The following HGF variants were observed in gnomAD, a reference collection of about 807,000 sequenced individuals.
The protein encoded by HGF is fibroblast-derived tumor cytotoxic factor.
Under a neutral mutation model 111.6 loss-of-function variants are expected in HGF, and 39 were observed. The ratio of observed to expected loss-of-function variants is 0.35; its 90% CI spans 0.27 to 0.46. The LOEUF (loss-of-function observed/expected upper bound fraction) is 0.46. Among genes scored for constraint, HGF ranks in the 20% least tolerant of loss-of-function variants. The pLI is 1.00. For synonymous variants in HGF, 285 were observed against 294.8 expected (o/e 0.97, Z 0.34); for missense variants, 735 against 910.5 (o/e 0.81, Z 2.48).
At position 81,743,446 on chromosome 7, in the gene HGF, T is replaced by G. The variant is rs1226991703; in HGVS notation, c.772A>C (p.Asn258His). The G allele has an allele frequency of 6.2e-7, 1 of 1,612,868 alleles. No individual in the cohort carries two copies. Among genetic ancestry groups the G allele is most frequent in the Non-Finnish European group, 8.5e-7 (1 of 1,178,910 alleles). Reference protein sequence around the residue: ...ERYPDKGFDDNYCRNPDGQPR... With the variant: ...ERYPDKGFDDHYCRNPDGQPR... ...TGGCCATCGGGATTGCGGCAATAATTATCATCAAAGCCCTTGTCGGGATAT... is the reference window on the plus strand; with the variant it reads ...TGGCCATCGGGATTGCGGCAATAATGATCATCAAAGCCCTTGTCGGGATAT... Residue 258 changes from asparagine to histidine, a missense_variant, in exon 7 of 18, where the codon AAT (asparagine) becomes CAT (histidine). Around this residue, in one of 3 missense-constraint regions of HGF, gnomAD observed 553 missense variants for 685.6 expected, o/e 0.81. Transcript: ENST00000222390.
In HGF at chr7:81,701,020, AGG is replaced by A. The variant is rs1193706119; in HGVS notation, c.*1559_*1560del. The A allele has an allele frequency of 6.6e-6, 1 of 151,680 alleles. No homozygotes were observed. The highest frequency in any genetic ancestry group is 1.5e-5 in the Non-Finnish European group (1 of 67,714). 9.4% of individuals were successfully genotyped at this position (151,680 alleles called of 1,614,324 possible). A position where few individuals can be genotyped will look rare whatever the true frequency, so the allele number is the denominator to read the frequency against. On this transcript the variant is annotated 3_prime_UTR_variant, in exon 18 of 18. Transcript: ENST00000222390. ...ACACCATTCAAAAAATTATTTTTAA[AGG>A]TGTTTTGTACAGGAAGATTTCTGCA...
At chr7:81,706,207 CG>C in intron 15 of HGF, 79 bp downstream of exon 15, 2 of 1,265,106 alleles carry the variant, frequency 1.6e-6, no homozygotes, top group Non-Finnish European at 2.3e-6. Context: ...TGAGAGAGAA[CG>C]AACTGCCACA....
At chr7:81,749,061 A>G (rs1302219383) in intron 5 of HGF, among the ~76,000 whole-genome samples, 1 of 152,184 alleles carries the variant, frequency 6.6e-6, no homozygotes, top group African/African-American at 2.4e-5. Context: ...TGTTTAAAAT[A>G]TAAATAGTCT....
chr7:81,709,921 A>G (rs184627038), intron 13 of HGF, among the ~76,000 whole-genome samples: 268 of 152,252 alleles, frequency 1.8e-3, no homozygotes, highest in Non-Finnish European at 2.8e-3. Flanking sequence ...GCCAACACAT[A>G]TGGGACCTTT....
chr7:81,755,722 C>T, intron 4 of HGF: 1 of 395,070 alleles, frequency 2.5e-6, no homozygotes, highest in South Asian at 3.4e-5. Flanking sequence ...ACCATGCAAA[C>T]TCTCAAAAGA....
intron 7 of HGF, among the ~76,000 whole-genome samples, chr7:81,736,050 C>T (rs370261278): frequency 2.1e-4 from 32 of 152,116 alleles, no homozygotes; most frequent in African/African-American, 7.7e-4. Flanking sequence ...GTGGGAGACA[C>T]AATTCACTCC....
At chr7:81,756,099 C>T (rs570492397) in intron 4 of HGF, 20 of 699,230 alleles carry the variant, frequency 2.9e-5, no homozygotes, top group South Asian at 1.5e-4. Context: ...TTCTACTGAC[C>T]GGCCAAATGT....
intron 10 of HGF, among the ~76,000 whole-genome samples, chr7:81,718,078 TTGAC>T (rs767278769): frequency 2.3e-4 from 35 of 152,176 alleles, no homozygotes; most frequent in Non-Finnish European, 1.9e-4. Context: ...CATGGCCACT[TTGAC>T]TGATCATAAA....
intron 12 of HGF, among the ~76,000 whole-genome samples, chr7:81,710,629 G>C (rs1187562351): frequency 1.3e-5 from 2 of 151,894 alleles, no homozygotes; most frequent in Admixed American, 1.3e-4. Flanking sequence ...AATAGATTCA[G>C]TGAAAAAAAC....
Position 81,751,709 on chromosome 7 carries a change from G to A in HGF, c.625+411C>T, listed in dbSNP as rs900833274. 7.7e-6 allele frequency: 8 copies of A among 1,040,696 alleles called. No homozygotes were observed. The African/African-American group carries it at 1.4e-4, about 18-fold the overall frequency. The allele number at this position is 1,040,696 out of a possible 1,614,324, so 64.5% of individuals were successfully genotyped here. On this transcript the variant is annotated intron_variant, in intron 5 of 17. Coordinates refer to ENST00000222390, the MANE Select transcript of HGF (RefSeq NM_000601.6). ...ACCCTTGTCACACCACTTCATGATA[G>A]TTTGGACAGAATTTCTGTGGAAGCA...
At chr7:81,726,959 G>A (rs1307433868) in intron 8 of HGF, among the ~76,000 whole-genome samples, 2 of 151,352 alleles carry the variant, frequency 1.3e-5, no homozygotes, top group Non-Finnish European at 2.9e-5. Flanking sequence ...GGAAACCACA[G>A]TATTTGTATC....
intron 5 of HGF, 122 bp from the exon 6 acceptor site, chr7:81,745,242 T>C: frequency 1.0e-6 from 1 of 991,268 alleles, no homozygotes; most frequent in Non-Finnish European, 1.6e-6. Context: ...TACACATCAT[T>C]CTAACTTTTT....
Position 81,752,149 on chromosome 7 carries a change from T to C in HGF, c.596A>G (p.Glu199Gly). 6.2e-7 allele frequency: 1 copy of C among 1,613,636 alleles called. No individual in the cohort carries two copies. Among genetic ancestry groups the C allele is most frequent in the South Asian group, 1.1e-5 (1 of 91,076 alleles). Residue 199 changes from glutamate (E) to glycine (G), a missense_variant, in exon 5 of 18, where the codon GAA becomes GGA. Transcript: ENST00000222390. Reference sequence around the variant, plus strand: ...TGAACACTGAGGAATGTCACAGACTTCGTAGCGTACCTCTGGATTGCTTGT... The same window carrying C: ...TGAACACTGAGGAATGTCACAGACTCCGTAGCGTACCTCTGGATTGCTTGT... ...CFTSNPEVRYEVCDIPQCSEV... is the reference protein window; with the variant it reads ...CFTSNPEVRYGVCDIPQCSEV...
rs5745766 is a variant in HGF at position 81,702,835 on chromosome 7, G to A, written c.2011-78C>T. ...CATTAACATAATCATATATAGATTT[G>A]CATCTCAGAGATATATACAGAAAAA... On this transcript the variant is annotated intron_variant, in intron 17 of 17. Coordinates refer to ENST00000222390, the MANE Select transcript of HGF (RefSeq NM_000601.6). 3 of 1,173,922 alleles carry A rather than the reference G, an allele frequency of 2.6e-6. No individual in the cohort carries two copies. In the Admixed American group the frequency reaches 5.3e-5, roughly 21 times the overall value. 72.7% of individuals were successfully genotyped at this position (1,173,922 alleles called of 1,614,324 possible).
chr7:81,739,336 C>T (rs1787930998), intron 7 of HGF, among the ~76,000 whole-genome samples: 1 of 151,932 alleles, frequency 6.6e-6, no homozygotes. Context: ...TATTCTTCAC[C>T]TCATCATACT....
intron 2 of HGF, among the ~76,000 whole-genome samples, chr7:81,761,249 A>G (rs1789061472): frequency 6.6e-6 from 1 of 152,194 alleles, no homozygotes; most frequent in East Asian, 1.9e-4. Flanking sequence ...ATAAAACAGA[A>G]TTATCATAGG....
intron 15 of HGF, 111 bp downstream of exon 15, chr7:81,706,174 CAT>C (rs1789420657): frequency 2.2e-6 from 2 of 897,046 alleles, no homozygotes; most frequent in South Asian, 1.4e-5. Context: ...CAGCATGTAA[CAT>C]ATGTTTATAA....
At chr7:81,743,321 A>C (rs1201800348) in intron 7 of HGF, 32 bp downstream of exon 7, 2 of 1,244,640 alleles carry the variant, frequency 1.6e-6, no homozygotes, top group Non-Finnish European at 2.4e-6. Context: ...CTGTGAGAGG[A>C]AAAGGAAGCA....
In HGF at chr7:81,700,563, G is replaced by C. The variant is rs1383366320; in HGVS notation, c.*2018C>G. 6.6e-6 allele frequency: 1 copy of C among 151,460 alleles called. No individual in the cohort carries two copies. 9.4% of individuals were successfully genotyped at this position (151,460 alleles called of 1,614,324 possible). The stretch of plus-strand genomic sequence containing the variant: ...TAAAATTATGACAATTTTTATAAAA[G>C]TTTTACAAATATCATTAATATGCAA... On this transcript the variant is annotated 3_prime_UTR_variant, in exon 18 of 18. Transcript: ENST00000222390.
Sources: allele counts gnomAD v4.1 joint callset (sites outside exome capture counted in the v4.1 genomes callset), GRCh38; gene constraint gnomAD v4.1.1; regional missense constraint gnomAD v4.1.1; transcripts MANE v1.5; gene names NCBI Gene and HGNC (gene_info 2026-07-23, HGNC 2026-07-21).